The following USH2A variants were observed in gnomAD, a reference collection of about 807,000 sequenced individuals.
USH2A encodes the protein Usher syndrome 2A (autosomal recessive, mild).
Under a neutral mutation model 538.9 loss-of-function variants are expected in USH2A, and 443 were observed. The observed-to-expected ratio is 0.82, with a 90% CI of 0.76 to 0.89. The LOEUF is 0.89. Ranked by LOEUF, USH2A falls within the 40% of genes least tolerant of loss-of-function variation. The pLI is 0.00. For synonymous variants in USH2A, 2,413 were observed against 2,273.5 expected, an observed-to-expected ratio of 1.06 and a Z score of -1.75; for missense variants, 6,633 against 6,324.8, an observed-to-expected ratio of 1.05 and a Z score of -1.65.
At chr1:216,076,328 T>C (rs975560194) in intron 27 of USH2A, among the ~76,000 whole-genome samples, 1 of 152,182 alleles carries the variant, frequency 6.6e-6, no homozygotes, top group African/African-American at 2.4e-5. Flanking sequence ...TAATAAAATA[T>C]CTTCCAGTAT....
At chr1:216,273,490 A>T (rs934459505) in intron 11 of USH2A, among the ~76,000 whole-genome samples, 1 of 152,036 alleles carries the variant, frequency 6.6e-6, no homozygotes, top group African/African-American at 2.4e-5. Context: ...ATGAAAAAAA[A>T]ACCTCACATA....
chr1:215,748,368 T>G (rs1012587234), intron 58 of USH2A, among the ~76,000 whole-genome samples: 4 of 152,182 alleles, frequency 2.6e-5, no homozygotes, highest in African/African-American at 9.6e-5. Flanking sequence ...TATCACTCTT[T>G]AGCCAATGAG....
At chr1:215,912,464 T>TATAC (rs1199816232) in intron 38 of USH2A, among the ~76,000 whole-genome samples, 16 of 17,520 alleles carry the variant, frequency 9.1e-4, no homozygotes, top group African/African-American at 3.2e-3. Context: ...TATATATATA[T>TATAC]ATATATATAT....
chr1:216,173,939 TC>T, intron 21 of USH2A: 3 of 977,214 alleles, frequency 3.1e-6, no homozygotes, highest in Non-Finnish European at 3.6e-6. Context: ...ACCTTTTTTT[TC>T]TTTTCTTTTT....
At chr1:216,045,573 T>C in intron 32 of USH2A, among the ~76,000 whole-genome samples, 1 of 152,154 alleles carries the variant, frequency 6.6e-6, no homozygotes, top group East Asian at 1.9e-4. Flanking sequence ...TTTGCACCAC[T>C]CTAATAGCTC....
intron 21 of USH2A, among the ~76,000 whole-genome samples, chr1:216,133,767 TTTGTG>T (rs1288643957): frequency 6.6e-6 from 1 of 152,158 alleles, no homozygotes; most frequent in South Asian, 2.1e-4. Flanking sequence ...CTTTCCAGGC[TTTGTG>T]TTGAGTTTCC....
intron 11 of USH2A, among the ~76,000 whole-genome samples, chr1:216,274,447 C>T (rs1280573101): frequency 1.3e-5 from 2 of 151,966 alleles, no homozygotes; most frequent in Admixed American, 6.6e-5. Flanking sequence ...CCTTCTCAGC[C>T]CTAAGATGTG....
chr1:215,824,070 CCT>C (rs1247711924), intron 47 of USH2A, among the ~76,000 whole-genome samples: 6 of 151,912 alleles, frequency 3.9e-5, no homozygotes, highest in Admixed American at 3.3e-4. Flanking sequence ...ATCCTACTTC[CCT>C]GTTTAAAGAA....
chr1:216,138,514 A>G (rs2033531576), intron 21 of USH2A, among the ~76,000 whole-genome samples: 1 of 152,094 alleles, frequency 6.6e-6, no homozygotes, highest in African/African-American at 2.4e-5. Flanking sequence ...ACAGGAGAAG[A>G]TCTTGCCACA....
chr1:216,097,043 A>G, intron 22 of USH2A, 40 bp downstream of exon 22: 1 of 1,574,878 alleles, frequency 6.3e-7, no homozygotes, highest in South Asian at 1.1e-5. Flanking sequence ...GGCACCTACT[A>G]AATTCTTAAA....
At chr1:216,362,690 C>G (rs935962277) in intron 4 of USH2A, among the ~76,000 whole-genome samples, 2 of 151,886 alleles carry the variant, frequency 1.3e-5, no homozygotes, top group African/African-American at 4.8e-5. Flanking sequence ...CGCCTGTAAT[C>G]CCAGCACTTT....
intron 50 of USH2A, among the ~76,000 whole-genome samples, chr1:215,791,822 C>T (rs1429429431): frequency 6.6e-6 from 1 of 151,942 alleles, no homozygotes; most frequent in Non-Finnish European, 1.5e-5. Context: ...GTGTGTGTAG[C>T]TATGTATGTA....
chr1:216,326,035 C>T (rs930366828), intron 5 of USH2A, among the ~76,000 whole-genome samples: 6 of 152,078 alleles, frequency 3.9e-5, no homozygotes, highest in East Asian at 1.9e-4. Flanking sequence ...GAAAGAAGTA[C>T]GAAAGCAAGT....
At chr1:215,823,120 CTTAAT>C (rs1465119805) in intron 47 of USH2A, among the ~76,000 whole-genome samples, 1 of 151,950 alleles carries the variant, frequency 6.6e-6, no homozygotes, top group African/African-American at 2.4e-5. Flanking sequence ...TGTCTGTGTA[CTTAAT>C]TTATCAGTGG....
chr1:216,305,218 T>G (rs2037292427), intron 9 of USH2A, among the ~76,000 whole-genome samples: 1 of 152,112 alleles, frequency 6.6e-6, no homozygotes, highest in Admixed American at 6.5e-5. Flanking sequence ...GCATATATAT[T>G]TAGAATTGTG....
chr1:216,306,591 C>T (rs1352565878), intron 9 of USH2A, among the ~76,000 whole-genome samples: 1 of 152,120 alleles, frequency 6.6e-6, no homozygotes, highest in Non-Finnish European at 1.5e-5. Context: ...CTTGTTTTGT[C>T]ATATTACTAG....
chr1:216,111,661 CAAAT>C (rs751794415), intron 21 of USH2A, among the ~76,000 whole-genome samples: 31 of 149,108 alleles, frequency 2.1e-4, no homozygotes, highest in Admixed American at 6.8e-4. Context: ...AAAAACAAGA[CAAAT>C]AAAATATGCC....
chr1:216,170,513 A>G (rs1480466785), intron 21 of USH2A, among the ~76,000 whole-genome samples: 1 of 152,098 alleles, frequency 6.6e-6, no homozygotes, highest in Non-Finnish European at 1.5e-5. Context: ...GTGGTTTGCT[A>G]CAAAGATCTC....
intron 21 of USH2A, among the ~76,000 whole-genome samples, chr1:216,150,332 C>A (rs936350553): frequency 4.6e-5 from 7 of 152,066 alleles, no homozygotes; most frequent in Non-Finnish European, 8.8e-5. Context: ...ATACTTCCAC[C>A]CTGATGAAGT....
Sources: allele counts gnomAD v4.1 joint callset (sites outside exome capture counted in the v4.1 genomes callset), GRCh38; gene constraint gnomAD v4.1.1; transcripts MANE v1.5; gene names NCBI Gene and HGNC (gene_info 2026-07-23, HGNC 2026-07-21).